The following SGIP1 variants were observed in gnomAD, a reference collection of about 807,000 sequenced individuals.
SGIP1 encodes SH3GL interacting endocytic adaptor 1.
SGIP1 carries 38 observed loss-of-function variants against 107.5 expected under a neutral mutation model. The observed-to-expected ratio is 0.35, with a 90% CI of 0.27 to 0.46. The LOEUF (loss-of-function observed/expected upper bound fraction) is 0.46. SGIP1 is among the 20% of genes least tolerant of loss of function. The probability of loss-of-function intolerance (pLI) is 1.00; values close to 1 mark genes in which losing one functional copy is unlikely to be tolerated. For missense variants in SGIP1, 929 were observed against 1,019.5 expected (o/e 0.91, Z 1.21); for synonymous variants, 365 against 366.1 (o/e 1.00, Z 0.03).
At chr1:66,706,537 A>G (rs2092533672) in intron 18 of SGIP1, among the ~76,000 whole-genome samples, 1 of 150,218 alleles carries the variant, frequency 6.7e-6, no homozygotes, top group African/African-American at 2.4e-5. Flanking sequence ...TTTAATAAAT[A>G]AATGTAAAGA....
At chr1:66,647,711 G>A (rs530297162) in intron 7 of SGIP1, among the ~76,000 whole-genome samples, 32 of 152,252 alleles carry the variant, frequency 2.1e-4, no homozygotes, top group African/African-American at 6.5e-4. Flanking sequence ...TAGTGATACC[G>A]TGCTGCTTGT....
chr1:66,587,892 G>A (rs986389798), intron 1 of SGIP1, among the ~76,000 whole-genome samples: 1 of 152,146 alleles, frequency 6.6e-6, no homozygotes, highest in African/African-American at 2.4e-5. Context: ...GTAGTACTAA[G>A]TCTTCTCTCA....
intron 1 of SGIP1, among the ~76,000 whole-genome samples, chr1:66,543,774 C>T (rs1215676687): frequency 1.3e-5 from 2 of 152,148 alleles, no homozygotes; most frequent in Non-Finnish European, 2.9e-5. Flanking sequence ...GAACGGTTGG[C>T]CTCAGCTTCC....
intron 8 of SGIP1, among the ~76,000 whole-genome samples, chr1:66,665,433 C>T (rs913110313): frequency 3.3e-5 from 5 of 152,144 alleles, no homozygotes; most frequent in African/African-American, 7.2e-5. Context: ...AATAAACATA[C>T]GTGTGCATGT....
chr1:66,634,719 C>A (rs770024394), intron 3 of SGIP1, among the ~76,000 whole-genome samples: 1 of 152,168 alleles, frequency 6.6e-6, no homozygotes, highest in Non-Finnish European at 1.5e-5. Context: ...ATAACACAGA[C>A]CTGTTCTGGA....
At chr1:66,622,928 C>T (rs2071538639) in intron 1 of SGIP1, among the ~76,000 whole-genome samples, 1 of 152,160 alleles carries the variant, frequency 6.6e-6, no homozygotes. Context: ...AGTCAAAAAT[C>T]ATTGGATATA....
intron 8 of SGIP1, among the ~76,000 whole-genome samples, chr1:66,664,434 G>A (rs535371565): frequency 1.3e-5 from 2 of 152,208 alleles, no homozygotes; most frequent in South Asian, 2.1e-4. Context: ...ACTCCTGGAC[G>A]TTAATCACAA....
In SGIP1 at chr1:66,667,541, G is replaced by T; in HGVS notation, c.483G>T (p.Pro161=). The T allele has an allele frequency of 6.2e-7, 1 of 1,613,660 alleles. No individual in the cohort carries two copies. The highest frequency in any genetic ancestry group is 8.5e-7 in the Non-Finnish European group (1 of 1,179,734). ...TTTGCTGATCACAGAGGCGCAGCCC[G>T]GTAAGAACTCTCAACATTTTTACCT... ...SPVRKSPRRS[P]GAIKRNLSSE... is the part of the protein sequence containing the mutation. Residue 161 remains proline (P), a splice_region_variant and synonymous_variant, in exon 9 of 25, where the codon CCG becomes CCT. Coordinates refer to ENST00000371037, the MANE Select transcript of SGIP1 (RefSeq NM_032291.4).
chr1:66,669,257 T>G (rs1052783554), intron 9 of SGIP1, among the ~76,000 whole-genome samples: 6 of 152,254 alleles, frequency 3.9e-5, no homozygotes, highest in South Asian at 2.1e-4. Context: ...TGAATATCCA[T>G]TGAATGAATT....
At chr1:66,705,512 G>A (rs2092416706) in intron 18 of SGIP1, among the ~76,000 whole-genome samples, 1 of 152,164 alleles carries the variant, frequency 6.6e-6, no homozygotes, top group African/African-American at 2.4e-5. Context: ...GTTATTTAAT[G>A]TCAGTTACTC....
chr1:66,583,840 T>C (rs1333026982), intron 1 of SGIP1, among the ~76,000 whole-genome samples: 1 of 152,170 alleles, frequency 6.6e-6, no homozygotes, highest in Non-Finnish European at 1.5e-5. Context: ...AGTACAGTAG[T>C]CAACACATAA....
intron 1 of SGIP1, among the ~76,000 whole-genome samples, chr1:66,545,668 GTA>G (rs145426887): frequency 4.6e-5 from 7 of 150,616 alleles, no homozygotes; most frequent in Middle Eastern, 3.4e-3. Flanking sequence ...GTGTGTGTGT[GTA>G]TACATACAGA....
intron 8 of SGIP1, among the ~76,000 whole-genome samples, chr1:66,661,976 C>CAAATGAAGTTTT (rs1553134674): frequency 6.6e-6 from 1 of 152,038 alleles, no homozygotes; most frequent in Non-Finnish European, 1.5e-5. Flanking sequence ...TTTCTCTTCC[C>CAAATGAAGTTTT]AAATGAAGTT....
chr1:66,635,308 G>A lies in SGIP1; in HGVS notation c.100-636G>A, dbSNP rs532833802. ...GGCAGAGCTGTCTGTCATGGTGTCCGAGTGTGACAATGCATCCTAACCTAG... is the reference window on the plus strand; with the variant it reads ...GGCAGAGCTGTCTGTCATGGTGTCCAAGTGTGACAATGCATCCTAACCTAG... On this transcript the variant is annotated intron_variant, in intron 3 of 24. Coordinates refer to ENST00000371037, the MANE Select transcript of SGIP1 (RefSeq NM_032291.4). Among the ~76,000 whole-genome samples, 10 of 152,346 alleles carry A rather than the reference G, an allele frequency of 6.6e-5. No individual in the cohort carries two copies. In the East Asian group the frequency reaches 1.2e-3, roughly 18 times the overall value.
chr1:66,741,601 G>C (rs2094447574), intron 24 of SGIP1, among the ~76,000 whole-genome samples, 165 bp downstream of exon 24: 1 of 151,968 alleles, frequency 6.6e-6, no homozygotes, highest in Non-Finnish European at 1.5e-5. Context: ...GTAGAAATAG[G>C]ACAATGCACT....
At chr1:66,735,863 A>T (rs2094211243) in intron 21 of SGIP1, among the ~76,000 whole-genome samples, 1 of 150,136 alleles carries the variant, frequency 6.7e-6, no homozygotes, top group Admixed American at 6.7e-5. Context: ...AAAGAGTGAG[A>T]TCGTGTGGTA....
chr1:66,534,382 T>C lies in SGIP1; in HGVS notation c.10+14T>C. 3 of 1,614,086 alleles carry C rather than the reference T, an allele frequency of 1.9e-6. No individual in the cohort carries two copies. The highest frequency in any genetic ancestry group is 2.5e-6 in the Non-Finnish European group (3 of 1,179,938). ...CCATGATGGAAGGTAGGATGCTTTC[T>C]GCTATGGTTGACTGGCTTCAGGCAA... On this transcript the variant is annotated intron_variant, in intron 1 of 24. Coordinates refer to ENST00000371037, the MANE Select transcript of SGIP1 (RefSeq NM_032291.4).
intron 1 of SGIP1, among the ~76,000 whole-genome samples, chr1:66,593,958 G>C (rs1046522872): frequency 6.6e-6 from 1 of 151,954 alleles, no homozygotes; most frequent in African/African-American, 2.4e-5. Flanking sequence ...CACATATTCC[G>C]ATTAGCATTG....
intron 11 of SGIP1, 67 bp from the exon 12 acceptor site, chr1:66,673,214 G>C (rs1388236643): frequency 2.7e-6 from 4 of 1,479,178 alleles, no homozygotes; most frequent in Non-Finnish European, 3.8e-6. Flanking sequence ...GTGAAAGCTT[G>C]TATATCTTTT....
Sources: allele counts gnomAD v4.1 joint callset (sites outside exome capture counted in the v4.1 genomes callset), GRCh38; gene constraint gnomAD v4.1.1; transcripts MANE v1.5; gene names NCBI Gene and HGNC (gene_info 2026-07-23, HGNC 2026-07-21).